The following ARHGEF7 variants were observed in gnomAD, a reference collection of about 807,000 sequenced individuals.
ARHGEF7 encodes PAK-interacting exchange factor beta.
A neutral mutation model predicts 109.8 loss-of-function variants in ARHGEF7; 33 were observed. The ratio of observed to expected loss-of-function variants is 0.30; its 90% CI spans 0.23 to 0.40. The LOEUF (loss-of-function observed/expected upper bound fraction) is 0.40. Ranked by LOEUF, ARHGEF7 falls within the 10% of genes least tolerant of loss-of-function variation. ARHGEF7 has a pLI of 1.00. For missense variants in ARHGEF7, 938 were observed against 1,098.5 expected (o/e 0.85, Z 2.07); for synonymous variants, 458 against 424.6 (o/e 1.08, Z -0.97).
chr13:111,206,051 G>A (rs1028406482), intron 3 of ARHGEF7, among the ~76,000 whole-genome samples: 1 of 152,134 alleles, frequency 6.6e-6, no homozygotes, highest in Non-Finnish European at 1.5e-5. Flanking sequence ...TTTCTGTGTG[G>A]CTCAAAAGGA....
chr13:111,115,889 G>T lies in ARHGEF7; in HGVS notation c.165+198G>T, dbSNP rs1278468294. The stretch of plus-strand genomic sequence containing the variant: ...ATTGTGTGCGGGGCAGGGGGAGGGG[G>T]CCGGGGAGCGGGGTCGGGGGGAGGG... On this transcript the variant is annotated intron_variant, in intron 1 of 21. Coordinates refer to ENST00000646102, the MANE Select transcript of ARHGEF7 (RefSeq NM_001354046.2). Among the ~76,000 whole-genome samples, 239 of 150,218 alleles carry T rather than the reference G, an allele frequency of 1.6e-3. 1 individual carries two copies. Among genetic ancestry groups the T allele is most frequent in the Admixed American group, 6.3e-3 (96 of 15,198 alleles).
intron 1 of ARHGEF7, among the ~76,000 whole-genome samples, chr13:111,138,826 C>CA (rs2075210860): frequency 6.6e-6 from 1 of 152,158 alleles, no homozygotes; most frequent in Non-Finnish European, 1.5e-5. Flanking sequence ...GAAAACACTG[C>CA]ATCATGTAGA....
chr13:111,202,185 C>G (rs892373018), intron 2 of ARHGEF7, among the ~76,000 whole-genome samples: 2 of 152,186 alleles, frequency 1.3e-5, no homozygotes, highest in African/African-American at 4.8e-5. Flanking sequence ...TGCAGCCACC[C>G]TTGTCCCCAG....
At position 111,277,638 on chromosome 13, in the gene ARHGEF7, T is replaced by C. The variant is rs1312331197; in HGVS notation, c.1471T>C (p.Ser491Pro). Residue 491 changes from serine (S) to proline (P), a missense_variant, in exon 13 of 22, where the codon TCT becomes CCT. Physicochemically the swap from Ser to Pro is moderately conservative, Grantham distance 74. Around this residue, in one of 4 missense-constraint regions of ARHGEF7, gnomAD observed 585 missense variants for 723.6 expected, o/e 0.81. Transcript: ENST00000646102. Reference protein sequence around the residue: ...LLFPNVLLMLSASPRMSGFIY... With the variant: ...LLFPNVLLMLPASPRMSGFIY... ...CTTCCCAAATGTTTTGCTAATGTTG[T>C]CTGCCAGTCCTAGGATGAGTGGCTT... The C allele has an allele frequency of 1.2e-6, 2 of 1,607,512 alleles. No homozygotes were observed. Among genetic ancestry groups the C allele is most frequent in the Non-Finnish European group, 1.7e-6 (2 of 1,174,244 alleles).
In ARHGEF7 at chr13:111,266,749, T is replaced by C; in HGVS notation, c.951-799T>C. ...GGAGGATGTAATCCTTCTGGTAATA[T>C]TGTGGGTATCTGGGGAGCAAAGACA... On this transcript the variant is annotated intron_variant, in intron 8 of 21. Transcript: ENST00000646102. This position sits in a 1 kb window ranked among gnomAD's most constrained non-coding sequence, Gnocchi z 4.8. 2.2e-6 allele frequency: 1 copy of C among 453,228 alleles called. No homozygotes were observed. Among genetic ancestry groups the C allele is most frequent in the South Asian group, 1.6e-5 (1 of 64,468 alleles). The allele number at this position is 453,228 out of a possible 1,614,324, so 28.1% of individuals were successfully genotyped here.
At chr13:111,164,795 T>C (rs566198294) in intron 2 of ARHGEF7, among the ~76,000 whole-genome samples, 104 of 152,310 alleles carry the variant, frequency 6.8e-4, no homozygotes, top group Admixed American at 1.8e-3. Flanking sequence ...GGAATCGGGA[T>C]AAGAATAACC....
chr13:111,294,379 C>CA, intron 19 of ARHGEF7: 1 of 985,446 alleles, frequency 1.0e-6, no homozygotes, highest in Non-Finnish European at 1.2e-6. Context: ...CCACAACACT[C>CA]AAACACAGTT....
At chr13:111,236,975 A>T (rs2038821) in intron 6 of ARHGEF7, among the ~76,000 whole-genome samples, 20,389 of 152,166 alleles carry the variant, frequency 0.13, 1,382 homozygotes, top group South Asian at 0.22. Context: ...CTAAAAAACC[A>T]AAAAACACCT....
At chr13:111,133,801 ATATATATATAT>A (rs1566606957) in intron 1 of ARHGEF7, among the ~76,000 whole-genome samples, 1,373 of 33,612 alleles carry the variant, frequency 0.041, 131 homozygotes, top group African/African-American at 0.082. Context: ...ATATATATAT[ATATATATATAT>A]ATTTATTATA....
chr13:111,301,578 G>A lies in ARHGEF7; in HGVS notation c.2466+46G>A, dbSNP rs563149547. Reference sequence around the variant, plus strand: ...AAATCTTTTTTTTCTTTTCAAATGGGAGAAAAGAAGAAAATTACATTAAAA... The same window carrying A: ...AAATCTTTTTTTTCTTTTCAAATGGAAGAAAAGAAGAAAATTACATTAAAA... On this transcript the variant is annotated intron_variant, in intron 21 of 21. Transcript: ENST00000646102. 7.7e-5 allele frequency: 113 copies of A among 1,468,706 alleles called. No individual in the cohort carries two copies. The South Asian group carries it at 1.2e-3, about 16-fold the overall frequency. The allele number at this position is 1,468,706 out of a possible 1,614,324, so 91.0% of individuals were successfully genotyped here.
Position 111,274,908 on chromosome 13 carries a change from AAAAC to A in ARHGEF7, c.1272+120_1272+123del, listed in dbSNP as rs1379453317. On this transcript the variant is annotated intron_variant, in intron 11 of 21. Transcript: ENST00000646102. Reference sequence around the variant, plus strand: ...AAATGACTTGTGCTGACATGAAAGAAAAACAGAGTCGGCATTCTGTGGCTGGTAA... The same window carrying A: ...AAATGACTTGTGCTGACATGAAAGAAAGAGTCGGCATTCTGTGGCTGGTAA... 6.4e-6 allele frequency: 4 copies of A among 627,438 alleles called. No individual in the cohort carries two copies. In the African/African-American group the frequency reaches 7.6e-5, roughly 12 times the overall value. 38.9% of individuals were successfully genotyped at this position (627,438 alleles called of 1,614,324 possible).
At chr13:111,280,889 G>A in intron 15 of ARHGEF7, 1 of 531,822 alleles carries the variant, frequency 1.9e-6, no homozygotes, top group Admixed American at 3.9e-5. Flanking sequence ...ACCCTGAATT[G>A]TGCCTCCTCA....
chr13:111,120,504 GAC>G (rs2067125308), intron 1 of ARHGEF7, among the ~76,000 whole-genome samples: 1 of 151,932 alleles, frequency 6.6e-6, no homozygotes. Context: ...CGTGTACATA[GAC>G]ACGCACACAC....
At chr13:111,302,328 G>C (rs1248831962) in intron 21 of ARHGEF7, among the ~76,000 whole-genome samples, 2 of 152,208 alleles carry the variant, frequency 1.3e-5, no homozygotes, top group Non-Finnish European at 2.9e-5. Context: ...GCCCAGCTAG[G>C]TGAGGGAAGG....
In ARHGEF7 at chr13:111,209,856, T is replaced by C. The variant is rs746348009; in HGVS notation, c.338-16T>C. ...GCGCTCTCAGCTCTCTTTTTCTGTG[T>C]GCATGCTCTTTGCAGACATCGGGCT... On this transcript the variant is annotated splice_polypyrimidine_tract_variant and intron_variant, in intron 3 of 21. Coordinates refer to ENST00000646102, the MANE Select transcript of ARHGEF7 (RefSeq NM_001354046.2). 1.2e-6 allele frequency: 2 copies of C among 1,613,526 alleles called. No individual in the cohort carries two copies. The highest frequency in any genetic ancestry group is 3.3e-5 in the Admixed American group (2 of 60,002).
At chr13:111,268,479 T>C (rs1254150597) in intron 9 of ARHGEF7, among the ~76,000 whole-genome samples, 1 of 152,264 alleles carries the variant, frequency 6.6e-6, no homozygotes, top group Non-Finnish European at 1.5e-5. Context: ...AGCATAAAGA[T>C]AAATGCCATT....
chr13:111,283,563 G>A (rs531484043), intron 16 of ARHGEF7, among the ~76,000 whole-genome samples, 200 bp downstream of exon 16: 1 of 152,244 alleles, frequency 6.6e-6, no homozygotes, highest in African/African-American at 2.4e-5. Context: ...GGAAGGCGAT[G>A]TGCAGGGTCC....
chr13:111,205,548 A>G (rs1242846595), intron 3 of ARHGEF7, among the ~76,000 whole-genome samples, 175 bp downstream of exon 3: 1 of 152,196 alleles, frequency 6.6e-6, no homozygotes, highest in Non-Finnish European at 1.5e-5. Flanking sequence ...TTGTTAGAAT[A>G]GAATCTTCTT....
chr13:111,261,994 GC>G (rs1204200683), intron 8 of ARHGEF7, among the ~76,000 whole-genome samples: 1 of 152,128 alleles, frequency 6.6e-6, no homozygotes, highest in Non-Finnish European at 1.5e-5. Flanking sequence ...GTAGCTGTAA[GC>G]AACTACATCA....
Sources: allele counts gnomAD v4.1 joint callset (sites outside exome capture counted in the v4.1 genomes callset), GRCh38; gene constraint gnomAD v4.1.1; regional missense constraint gnomAD v4.1.1; non-coding constraint Gnocchi (gnomAD v3.1); transcripts MANE v1.5; gene names NCBI Gene and HGNC (gene_info 2026-07-23, HGNC 2026-07-21).